Variants in BLK observed in about 807,000 individuals in gnomAD.
BLK encodes tyrosine-protein kinase Blk.
A neutral mutation model predicts 61.8 loss-of-function variants in BLK; 64 were observed. That is an observed-to-expected ratio of 1.03 (90% CI 0.85 to 1.27). The LOEUF is 1.27. Among genes scored for constraint, BLK ranks in the 50% most tolerant of loss-of-function variants. The pLI is 0.00. For synonymous variants in BLK, 351 were observed against 272.0 expected, an observed-to-expected ratio of 1.29 and a Z score of -2.86; for missense variants, 853 against 660.5, an observed-to-expected ratio of 1.29 and a Z score of -3.19.
intron 1 of BLK, among the ~76,000 whole-genome samples, chr8:11,503,195 C>A (rs1298588066): frequency 1.3e-5 from 2 of 152,210 alleles, no homozygotes; most frequent in Non-Finnish European, 2.9e-5. Flanking sequence ...GTGAAGCACA[C>A]AACCACACGT....
chr8:11,555,328 G>A lies in BLK; in HGVS notation c.620-4G>A. ...CCAGCCCTGTCTTTTCTTCCCTAAT[G>A]CAGAGAAGGGGGATGGTCTATGCCA... On this transcript the variant is annotated splice_region_variant and splice_polypyrimidine_tract_variant and intron_variant, in intron 7 of 12. Coordinates refer to ENST00000259089, the MANE Select transcript of BLK (RefSeq NM_001715.3). 1 of 1,614,056 alleles carries A rather than the reference G, an allele frequency of 6.2e-7. No individual in the cohort carries two copies. Among genetic ancestry groups the A allele is most frequent in the Non-Finnish European group, 8.5e-7 (1 of 1,180,026 alleles).
intron 1 of BLK, among the ~76,000 whole-genome samples, chr8:11,532,806 A>C (rs1174309814): frequency 6.6e-6 from 1 of 152,224 alleles, no homozygotes; most frequent in African/African-American, 2.4e-5. Flanking sequence ...ATGAGTGCTG[A>C]ATATGATTAG....
chr8:11,564,420 GCCCCCGTGCTGGGCAC>G lies in BLK; in HGVS notation c.*325_*340del, dbSNP rs755682854. 20 of 605,942 alleles carry G rather than the reference GCCCCCGTGCTGGGCAC, an allele frequency of 3.3e-5. No homozygotes were observed. The highest frequency in any genetic ancestry group is 2.7e-4 in the African/African-American group (15 of 55,092). 37.5% of individuals were successfully genotyped at this position (605,942 alleles called of 1,614,324 possible). On this transcript the variant is annotated 3_prime_UTR_variant, in exon 13 of 13. Transcript: ENST00000259089. Reference sequence around the variant, plus strand: ...TGGTAAGCGACTGTCATCAAGTAAGGCCCCCGTGCTGGGCACCCCCCGTGCTGGCCGCGTCCCCGCC... The same window carrying G: ...TGGTAAGCGACTGTCATCAAGTAAGGCCCCCGTGCTGGCCGCGTCCCCGCC...
intron 1 of BLK, among the ~76,000 whole-genome samples, chr8:11,528,240 T>C (rs1799748249): frequency 6.6e-6 from 1 of 152,158 alleles, no homozygotes; most frequent in South Asian, 2.1e-4. Context: ...TCTTGCTGTG[T>C]TGTCCAGGCT....
At chr8:11,502,467 C>T (rs555616081) in intron 1 of BLK, among the ~76,000 whole-genome samples, 6 of 152,206 alleles carry the variant, frequency 3.9e-5, no homozygotes, top group African/African-American at 1.4e-4. Context: ...CCATGCCTGG[C>T]TAATTTTTGT....
At chr8:11,545,906 C>T in intron 2 of BLK, 146 bp from the exon 3 acceptor site, 1 of 857,858 alleles carries the variant, frequency 1.2e-6, no homozygotes, top group Non-Finnish European at 2.0e-6. Context: ...ACAGAATGTC[C>T]CTGAGCAGCC....
At position 11,549,075 on chromosome 8, in the gene BLK, T is replaced by A; in HGVS notation, c.321T>A (p.Tyr107Ter). Residue 107 changes from tyrosine to a stop codon, truncating the protein, a stop_gained, in exon 5 of 13, where the codon TAT becomes TAA. Transcript: ENST00000259089. LOFTEE classifies it high-confidence loss of function. ...CACTCGTCACAGGAAGAGAAGGCTA[T>A]GTGCCCAGTAACTTTGTGGCCCGAG... ...ARSLVTGREG[Y>*]VPSNFVARVE... is the part of the protein sequence containing the mutation. 1 of 1,612,054 alleles carries A rather than the reference T, an allele frequency of 6.2e-7. No homozygotes were observed. The highest frequency in any genetic ancestry group is 8.5e-7 in the Non-Finnish European group (1 of 1,179,310).
chr8:11,552,371 A>G (rs1029361474), intron 6 of BLK: 2 of 151,686 alleles, frequency 1.3e-5, no homozygotes, highest in African/African-American at 4.8e-5. Flanking sequence ...ATGCATATAC[A>G]TACATATACA....
At chr8:11,530,925 T>C (rs867119679) in intron 1 of BLK, among the ~76,000 whole-genome samples, 1 of 152,226 alleles carries the variant, frequency 6.6e-6, no homozygotes, top group East Asian at 1.9e-4. Flanking sequence ...AGCTCCCAAA[T>C]TGTTTCCTAA....
rs538485610 is a variant in BLK, at chr8:11,556,352, G to A, written c.773-306G>A. 4.3e-5 allele frequency: 19 copies of A among 439,580 alleles called. No individual in the cohort carries two copies. The Admixed American group carries it at 5.5e-4, about 13-fold the overall frequency. The allele number at this position is 439,580 out of a possible 1,614,324, so 27.2% of individuals were successfully genotyped here. Reference sequence around the variant, plus strand: ...TTGTGTGATAGAAGAGACTCATTATGTAGGGGAGGGGTGGGGGAAGGACAC... The same window carrying A: ...TTGTGTGATAGAAGAGACTCATTATATAGGGGAGGGGTGGGGGAAGGACAC... On this transcript the variant is annotated intron_variant, in intron 8 of 12. Coordinates refer to ENST00000259089, the MANE Select transcript of BLK (RefSeq NM_001715.3).
In BLK at chr8:11,549,127, G is replaced by T; in HGVS notation, c.368+5G>T. Reference sequence around the variant, plus strand: ...GGAGAGCCTGGAAATGGAAAGGTAGGTGGGCACGGGAACCCCCCTCGAGCC... The same window carrying T: ...GGAGAGCCTGGAAATGGAAAGGTAGTTGGGCACGGGAACCCCCCTCGAGCC... On this transcript the variant is annotated splice_donor_5th_base_variant and intron_variant, in intron 5 of 12. Transcript: ENST00000259089. The T allele has an allele frequency of 6.3e-7, 1 of 1,596,498 alleles. No homozygotes were observed. Among genetic ancestry groups the T allele is most frequent in the Non-Finnish European group, 8.5e-7 (1 of 1,171,024 alleles).
chr8:11,509,750 T>C (rs1585329894), intron 1 of BLK: 1 of 152,326 alleles, frequency 6.6e-6, no homozygotes, highest in East Asian at 1.9e-4. Context: ...TTTTAAACTG[T>C]AAACATTATA....
chr8:11,498,146 G>A (rs1461460317), intron 1 of BLK, among the ~76,000 whole-genome samples: 3 of 152,296 alleles, frequency 2.0e-5, no homozygotes, highest in Non-Finnish European at 2.9e-5. Context: ...TTGGCACCTA[G>A]GATGCTGAAC....
At chr8:11,532,365 ATT>A (rs56990952) in intron 1 of BLK, among the ~76,000 whole-genome samples, 69,467 of 125,732 alleles carry the variant, frequency 0.55, 19,061 homozygotes, top group Non-Finnish European at 0.63. Flanking sequence ...TGCCCAGCTC[ATT>A]TTTTTTTTTT....
chr8:11,557,882 C>A, intron 9 of BLK, 80 bp from the exon 10 acceptor site: 1 of 1,295,468 alleles, frequency 7.7e-7, no homozygotes, highest in Non-Finnish European at 1.1e-6. Flanking sequence ...CCATGGGGAG[C>A]CACTCACACC....
intron 6 of BLK, chr8:11,553,671 C>G (rs1801028926): frequency 5.8e-6 from 1 of 171,264 alleles, no homozygotes; most frequent in Admixed American, 6.1e-5. Context: ...TGCACCCGGG[C>G]AGGGTCGGGG....
chr8:11,561,577 A>G, intron 11 of BLK, 125 bp downstream of exon 11: 2 of 1,281,384 alleles, frequency 1.6e-6, no homozygotes, highest in Non-Finnish European at 2.2e-6. Context: ...CGGTTTCTAC[A>G]GCTCTAGATC....
chr8:11,534,310 C>T (rs1800020716), intron 1 of BLK, among the ~76,000 whole-genome samples: 1 of 152,222 alleles, frequency 6.6e-6, no homozygotes, highest in South Asian at 2.1e-4. Flanking sequence ...CAAGACACAA[C>T]TGTAGTTGGA....
intron 2 of BLK, among the ~76,000 whole-genome samples, chr8:11,545,410 G>A (rs554016784): frequency 1.1e-3 from 171 of 152,294 alleles, no homozygotes; most frequent in African/African-American, 3.8e-3. Flanking sequence ...TTAGCTGGGC[G>A]TGATGGCGGG....
Sources: gnomAD v4.1 joint callset for allele counts (sites outside exome capture counted in the v4.1 genomes callset) on GRCh38, gnomAD v4.1.1 for gene constraint, MANE v1.5 for transcripts, NCBI Gene and HGNC (gene_info 2026-07-23, HGNC 2026-07-21) for gene names.